Variants in FAM185A observed in about 807,000 individuals in gnomAD.
FAM185A encodes family with sequence similarity 185 member A.
Under a neutral mutation model 45.7 loss-of-function variants are expected in FAM185A, and 21 were observed. The observed-to-expected ratio is 0.46, with a 90% CI of 0.33 to 0.66. FAM185A has a LOEUF of 0.66. Ranked by LOEUF, FAM185A falls within the 30% of genes least tolerant of loss-of-function variation. The pLI, the probability that FAM185A is intolerant of heterozygous loss-of-function variation, is 0.03. For missense variants in FAM185A, 305 were observed against 485.4 expected (o/e 0.63, Z 3.49); for synonymous variants, 117 against 194.0 (o/e 0.60, Z 3.30).
the FAM185A span, among the ~76,000 whole-genome samples, chr7:102,818,146 A>G: frequency 2.0e-5 from 3 of 152,232 alleles, no homozygotes; most frequent in Admixed American, 6.5e-5. Flanking sequence ...GCCACCACCA[A>G]GGACTGCTCA....
At chr7:102,817,421 C>T in the FAM185A span, among the ~76,000 whole-genome samples, 2 of 151,790 alleles carry the variant, frequency 1.3e-5, no homozygotes, top group Admixed American at 6.6e-5. Context: ...GAGAGGTGTC[C>T]GTTCATGTTT....
rs10270898 is a variant in FAM185A, at chr7:102,799,037, C to T, written c.1067-9253C>T. Among the ~76,000 whole-genome samples, 224 of 152,292 alleles carry T rather than the reference C, an allele frequency of 1.5e-3. 1 individual carries two copies. Among genetic ancestry groups the T allele is most frequent in the Non-Finnish European group, 2.3e-3 (158 of 68,038 alleles). On this transcript the variant is annotated intron_variant, in intron 7 of 7. Coordinates refer to ENST00000413034, the MANE Select transcript of FAM185A (RefSeq NM_001145268.2). The stretch of plus-strand genomic sequence containing the variant: ...TGCTGGGATTACAGGCGTGAGCCAC[C>T]GCATCTGGCCCAACATTTATTTTAA...
chr7:102,800,977 A>T (rs1190280213), intron 7 of FAM185A, among the ~76,000 whole-genome samples: 5 of 152,240 alleles, frequency 3.3e-5, no homozygotes, highest in Admixed American at 3.3e-4. Context: ...CTAAACTGTG[A>T]GACAAAAGCA....
intron 6 of FAM185A, among the ~76,000 whole-genome samples, chr7:102,784,201 C>T (rs1295608249): frequency 6.6e-6 from 1 of 151,326 alleles, no homozygotes; most frequent in African/African-American, 2.4e-5. Flanking sequence ...AATAGCTTAC[C>T]AACCAAAAAA....
chr7:102,827,187 T>G, the FAM185A span: 2 of 452,896 alleles, frequency 4.4e-6, no homozygotes, highest in Non-Finnish European at 8.9e-6. Context: ...GTTACTGCCC[T>G]TGAAGCAGCT....
chr7:102,803,011 A>G (rs1796885062), intron 7 of FAM185A, among the ~76,000 whole-genome samples: 1 of 152,136 alleles, frequency 6.6e-6, no homozygotes, highest in Non-Finnish European at 1.5e-5. Context: ...GAACAGATCA[A>G]TAACAAGCAG....
chr7:102,821,792 G>A, the FAM185A span, among the ~76,000 whole-genome samples: 1 of 152,172 alleles, frequency 6.6e-6, no homozygotes, highest in South Asian at 2.1e-4. Context: ...TAGAGTTAAA[G>A]CTTTGGACAC....
At chr7:102,753,243 A>C (rs1331475655) in intron 2 of FAM185A, among the ~76,000 whole-genome samples, 2 of 151,582 alleles carry the variant, frequency 1.3e-5, no homozygotes, top group Non-Finnish European at 2.9e-5. Flanking sequence ...AAGTTTCAGA[A>C]AACTAATCTA....
chr7:102,771,739 A>C (rs1446467185), intron 4 of FAM185A, among the ~76,000 whole-genome samples: 1 of 152,216 alleles, frequency 6.6e-6, no homozygotes, highest in Non-Finnish European at 1.5e-5. Flanking sequence ...ATACTTACAC[A>C]TACAAACACA....
At chr7:102,825,227 C>T in the FAM185A span, among the ~76,000 whole-genome samples, 2 of 152,022 alleles carry the variant, frequency 1.3e-5, no homozygotes, top group Non-Finnish European at 2.9e-5. Context: ...GAAACTTAAC[C>T]CAAGATGTGG....
chr7:102,806,747 A>G (rs990401264), intron 7 of FAM185A, among the ~76,000 whole-genome samples: 1 of 152,180 alleles, frequency 6.6e-6, no homozygotes, highest in Non-Finnish European at 1.5e-5. Flanking sequence ...GATCTGAGAA[A>G]CAAACGAGGG....
At chr7:102,759,125 C>T (rs1188409284) in intron 3 of FAM185A, among the ~76,000 whole-genome samples, 7 of 151,942 alleles carry the variant, frequency 4.6e-5, no homozygotes, top group Admixed American at 4.6e-4. Flanking sequence ...TTTTAGATTG[C>T]TGTGGTCTTG....
At chr7:102,776,116 A>ACATATACACACAC (rs1198677194) in intron 5 of FAM185A, among the ~76,000 whole-genome samples, 38 of 126,484 alleles carry the variant, frequency 3.0e-4, no homozygotes, top group East Asian at 7.8e-4. Context: ...ACACACACAC[A>ACATATACACACAC]AATGTTTTCT....
chr7:102,752,759 A>C (rs1793448883), intron 2 of FAM185A, among the ~76,000 whole-genome samples: 1 of 143,256 alleles, frequency 7.0e-6, no homozygotes, highest in Admixed American at 7.1e-5. Context: ...GACTGGTGTT[A>C]GCTGTAAATA....
the FAM185A span, among the ~76,000 whole-genome samples, chr7:102,816,533 A>C: frequency 6.6e-6 from 1 of 152,148 alleles, no homozygotes; most frequent in South Asian, 2.1e-4. Context: ...CCAAGAGAAG[A>C]GATCGGCAAG....
chr7:102,830,865 C>T, the FAM185A span, among the ~76,000 whole-genome samples: 1 of 152,202 alleles, frequency 6.6e-6, no homozygotes, highest in Non-Finnish European at 1.5e-5. Flanking sequence ...ATTTTGCTAA[C>T]TCCAAGTTTT....
intron 4 of FAM185A, among the ~76,000 whole-genome samples, chr7:102,764,949 G>C (rs1455103413): frequency 1.3e-5 from 2 of 152,222 alleles, no homozygotes; most frequent in Non-Finnish European, 2.9e-5. Flanking sequence ...TAGGTGGGTG[G>C]GTGGGTGGTT....
At chr7:102,802,501 A>G (rs1796855621) in intron 7 of FAM185A, among the ~76,000 whole-genome samples, 1 of 152,250 alleles carries the variant, frequency 6.6e-6, no homozygotes, top group African/African-American at 2.4e-5. Context: ...GAAGGACAAT[A>G]GTGACACAGC....
the FAM185A span, chr7:102,821,957 T>C: frequency 2.2e-6 from 3 of 1,364,946 alleles, no homozygotes; most frequent in Non-Finnish European, 3.1e-6. Context: ...AAAGCTGCTA[T>C]GTATTATGAA....
Sources: gnomAD v4.1 joint callset for allele counts (sites outside exome capture counted in the v4.1 genomes callset) on GRCh38, gnomAD v4.1.1 for gene constraint, MANE v1.5 for transcripts, NCBI Gene and HGNC (gene_info 2026-07-23, HGNC 2026-07-21) for gene names.